The following ZFR2 variants were observed in gnomAD, a reference collection of about 807,000 sequenced individuals.
ZFR2 encodes the protein zinc finger RNA binding protein 2, also known as zinc finger RNA-binding protein 2.
A neutral mutation model predicts 105.7 loss-of-function variants in ZFR2; 104 were observed. That is an observed-to-expected ratio of 0.98 (90% CI 0.84 to 1.16). ZFR2 has a LOEUF of 1.16. Ranked by LOEUF, ZFR2 falls within the 50% of genes most tolerant of loss-of-function variation. The pLI is 0.00. For missense variants in ZFR2, 1,425 were observed against 1,355.5 expected (o/e 1.05, Z -0.80); for synonymous variants, 634 against 597.7 (o/e 1.06, Z -0.89).
At chr19:3,865,301 T>G (rs1390082005) in intron 1 of ZFR2, among the ~76,000 whole-genome samples, 1 of 152,202 alleles carries the variant, frequency 6.6e-6, no homozygotes, top group Non-Finnish European at 1.5e-5. Context: ...ACCCTATTTA[T>G]GGATGAAAAT....
At position 3,805,939 on chromosome 19, in the gene ZFR2, G is replaced by A; in HGVS notation, c.*10C>T. 3 of 1,525,004 alleles carry A rather than the reference G, an allele frequency of 2.0e-6. No individual in the cohort carries two copies. The highest frequency in any genetic ancestry group is 1.4e-5 in the African/African-American group (1 of 72,366). 94.5% of individuals were successfully genotyped at this position (1,525,004 alleles called of 1,614,324 possible). On this transcript the variant is annotated 3_prime_UTR_variant, in exon 19 of 19. Coordinates refer to ENST00000262961, the MANE Select transcript of ZFR2 (RefSeq NM_015174.2). ...GATGCAAAGGCCCGCAGGTGGGGGAGGTAGGCGGCTCACACGAGCCCCTCT... is the reference window on the plus strand; with the variant it reads ...GATGCAAAGGCCCGCAGGTGGGGGAAGTAGGCGGCTCACACGAGCCCCTCT...
At chr19:3,868,838 C>T in intron 1 of ZFR2, 127 bp downstream of exon 1, 2 of 815,582 alleles carry the variant, frequency 2.5e-6, no homozygotes, top group African/African-American at 1.8e-5. Flanking sequence ...TCCCTCAGGC[C>T]GGGGTTCCAG....
intron 1 of ZFR2, among the ~76,000 whole-genome samples, chr19:3,861,118 T>G (rs7258771): frequency 0.15 from 22,455 of 151,976 alleles, 2,703 homozygotes; most frequent in African/African-American, 0.34. Context: ...AGATCCACAA[T>G]GCCGCGGAAG....
At position 3,827,111 on chromosome 19, in the gene ZFR2, G is replaced by A. The variant is rs529348467; in HGVS notation, c.1035+360C>T. Reference sequence around the variant, plus strand: ...ACAAAAATTAGCCGGGTGCGGTGGCGGATGCCTGTGATCCCAGCTACTCAG... The same window carrying A: ...ACAAAAATTAGCCGGGTGCGGTGGCAGATGCCTGTGATCCCAGCTACTCAG... On this transcript the variant is annotated intron_variant, in intron 6 of 18. Coordinates refer to ENST00000262961, the MANE Select transcript of ZFR2 (RefSeq NM_015174.2). Among the ~76,000 whole-genome samples, 10 of 152,158 alleles carry A rather than the reference G, an allele frequency of 6.6e-5. 1 individual carries two copies. Among genetic ancestry groups the A allele is most frequent in the Non-Finnish European group, 1.0e-4 (7 of 67,984 alleles).
chr19:3,850,164 G>C (rs1368314937), intron 1 of ZFR2, among the ~76,000 whole-genome samples: 3 of 152,112 alleles, frequency 2.0e-5, no homozygotes, highest in Non-Finnish European at 4.4e-5. Context: ...GAGAAGGAGG[G>C]GCATGCCAAC....
intron 12 of ZFR2, among the ~76,000 whole-genome samples, chr19:3,817,858 T>C (rs900881362): frequency 6.6e-6 from 1 of 151,700 alleles, no homozygotes. Flanking sequence ...ATTTCCTATA[T>C]GGAGCTCTGT....
intron 11 of ZFR2, among the ~76,000 whole-genome samples, chr19:3,819,860 A>AAAAAAAAAAAAAAG (rs2037870379): frequency 6.6e-6 from 1 of 151,928 alleles, no homozygotes; most frequent in African/African-American, 2.4e-5. Context: ...CTCAAAAAAA[A>AAAAAAAAAAAAAAG]ATAGTTCCCA....
chr19:3,817,081 C>A (rs556308425), intron 12 of ZFR2, among the ~76,000 whole-genome samples: 1 of 152,278 alleles, frequency 6.6e-6, no homozygotes, highest in African/African-American at 2.4e-5. Context: ...GTAGCCGGGA[C>A]GCGTGGCCAA....
At chr19:3,855,014 C>T (rs1474044832) in intron 1 of ZFR2, among the ~76,000 whole-genome samples, 1 of 152,182 alleles carries the variant, frequency 6.6e-6, no homozygotes, top group Non-Finnish European at 1.5e-5. Context: ...CCTGCCTCAG[C>T]CTCCCAAAGT....
intron 1 of ZFR2, among the ~76,000 whole-genome samples, chr19:3,843,963 C>G (rs1244854892): frequency 1.5e-5 from 2 of 134,250 alleles, no homozygotes; most frequent in African/African-American, 5.6e-5. Context: ...TGGTTCCAGT[C>G]CTAGGAGGTC....
Position 3,838,458 on chromosome 19 carries a change from G to C in ZFR2, c.54-3475C>G, listed in dbSNP as rs1227986054. On this transcript the variant is annotated intron_variant, in intron 1 of 18. Coordinates refer to ENST00000262961, the MANE Select transcript of ZFR2 (RefSeq NM_015174.2). This position sits in a 1 kb window ranked among gnomAD's most constrained non-coding sequence, Gnocchi z 4.9. Reference sequence around the variant, plus strand: ...GGTTCCATACGGGAGCTGGGGCAGAGCAGAGCTGGCCTCAGCTGTACAGCC... The same window carrying C: ...GGTTCCATACGGGAGCTGGGGCAGACCAGAGCTGGCCTCAGCTGTACAGCC... Among the ~76,000 whole-genome samples the C allele has an allele frequency of 1.3e-5, 2 of 152,194 alleles. No individual in the cohort carries two copies. The highest frequency in any genetic ancestry group is 6.5e-5 in the Admixed American group (1 of 15,280).
At chr19:3,828,515 C>A (rs1424077018) in intron 5 of ZFR2, among the ~76,000 whole-genome samples, 1 of 152,140 alleles carries the variant, frequency 6.6e-6, no homozygotes, top group African/African-American at 2.4e-5. Flanking sequence ...CACCTGCTGC[C>A]CGAAGGATAG....
At chr19:3,860,873 C>G (rs1178058479) in intron 1 of ZFR2, among the ~76,000 whole-genome samples, 1 of 152,172 alleles carries the variant, frequency 6.6e-6, no homozygotes, top group Non-Finnish European at 1.5e-5. Context: ...TCTGTGCTGG[C>G]TCATGAGCCG....
chr19:3,848,504 A>C (rs1257643681), intron 1 of ZFR2, among the ~76,000 whole-genome samples: 1 of 151,620 alleles, frequency 6.6e-6, no homozygotes, highest in East Asian at 1.9e-4. Flanking sequence ...TGAGCCCAAG[A>C]GTTTAAGACC....
intron 1 of ZFR2, among the ~76,000 whole-genome samples, chr19:3,839,471 G>A (rs1274970762): frequency 4.1e-5 from 6 of 145,032 alleles, no homozygotes; most frequent in African/African-American, 1.0e-4. Context: ...AGGCGGAGGC[G>A]GAGGCTGCAG....
rs1172176983 is a variant in ZFR2 at position 3,823,699 on chromosome 19, T to G, written c.1214-296A>C. Among the ~76,000 whole-genome samples the G allele has an allele frequency of 6.6e-6, 1 of 152,096 alleles. No individual in the cohort carries two copies. Among genetic ancestry groups the G allele is most frequent in the Non-Finnish European group, 1.5e-5 (1 of 68,002 alleles). ...CACAAAATCCACAGTTAATAGACCA[T>G]GAAGTATCAGGCGGACCAAGGCTCG... On this transcript the variant is annotated intron_variant, in intron 7 of 18. Coordinates refer to ENST00000262961, the MANE Select transcript of ZFR2 (RefSeq NM_015174.2). The surrounding 1 kb of genome is among the most constrained non-coding windows in gnomAD (Gnocchi z 5.4).
chr19:3,815,776 G>T (rs935719094), intron 13 of ZFR2, among the ~76,000 whole-genome samples: 8 of 148,748 alleles, frequency 5.4e-5, no homozygotes, highest in African/African-American at 2.0e-4. Flanking sequence ...TTTTTAGACG[G>T]AGTCTCGCTC....
Position 3,816,800 on chromosome 19 carries a change from T to G in ZFR2, c.1977A>C (p.Val659=). The G allele has an allele frequency of 6.3e-7, 1 of 1,592,932 alleles. No individual in the cohort carries two copies. Among genetic ancestry groups the G allele is most frequent in the Non-Finnish European group, 8.5e-7 (1 of 1,171,054 alleles). ...QTRVLKGVMR[V]GILAKGLLLR... ...GGAGGAGGCCTTTCGCCAGGATGCC[T>G]ACTCGCATGACGCCTTTCAGGACCC... Residue 659 remains valine (V), a synonymous_variant, in exon 13 of 19, where the codon GTA becomes GTC. Transcript: ENST00000262961.
intron 1 of ZFR2, among the ~76,000 whole-genome samples, chr19:3,854,207 T>C (rs2145185380): frequency 6.6e-6 from 1 of 151,358 alleles, no homozygotes; most frequent in Middle Eastern, 3.4e-3. Flanking sequence ...CTGGCCAACA[T>C]GGTGAAACCC....
Sources: allele counts gnomAD v4.1 joint callset (sites outside exome capture counted in the v4.1 genomes callset), GRCh38; gene constraint gnomAD v4.1.1; non-coding constraint Gnocchi (gnomAD v3.1); transcripts MANE v1.5; gene names NCBI Gene and HGNC (gene_info 2026-07-23, HGNC 2026-07-21).